CRPPA: variants seen among roughly 807,000 people sequenced by gnomAD.
CRPPA encodes D-ribitol-5-phosphate cytidylyltransferase.
CRPPA carries 43 observed loss-of-function variants against 52.0 expected under a neutral mutation model. The observed-to-expected ratio is 0.83, with a 90% CI of 0.65 to 1.07. The LOEUF is 1.07. Among genes scored for constraint, CRPPA ranks in the 50% least tolerant of loss-of-function variants. The pLI is 0.00. For synonymous variants in CRPPA, 250 were observed against 203.5 expected (o/e 1.23, Z -1.94); for missense variants, 629 against 551.7 (o/e 1.14, Z -1.40).
At chr7:16,238,587 A>G (rs2128405367) in intron 8 of CRPPA, among the ~76,000 whole-genome samples, 1 of 152,322 alleles carries the variant, frequency 6.6e-6, no homozygotes, top group East Asian at 1.9e-4. Flanking sequence ...AAAATTGGAC[A>G]TAAAAAAGGA....
chr7:16,308,071 G>A (rs1784952591), intron 4 of CRPPA, among the ~76,000 whole-genome samples: 1 of 152,100 alleles, frequency 6.6e-6, no homozygotes, highest in African/African-American at 2.4e-5. Flanking sequence ...TTCTCCAAGT[G>A]AGTGAGGTCT....
intron 5 of CRPPA, among the ~76,000 whole-genome samples, chr7:16,284,871 G>C (rs934151091): frequency 6.6e-6 from 1 of 152,112 alleles, no homozygotes; most frequent in Non-Finnish European, 1.5e-5. Context: ...TGTACCACGT[G>C]TTTGGAAGTT....
At chr7:16,316,379 A>G (rs894967672) in intron 3 of CRPPA, among the ~76,000 whole-genome samples, 1 of 152,126 alleles carries the variant, frequency 6.6e-6, no homozygotes, top group Non-Finnish European at 1.5e-5. Context: ...TTCTTGCCCA[A>G]AAAAGTTATA....
intron 5 of CRPPA, among the ~76,000 whole-genome samples, chr7:16,281,487 C>G (rs578196278): frequency 6.6e-6 from 1 of 152,188 alleles, no homozygotes; most frequent in Non-Finnish European, 1.5e-5. Context: ...TCTTTCCAAT[C>G]TATAATTTTA....
chr7:16,286,617 G>A (rs1784456444), intron 5 of CRPPA, among the ~76,000 whole-genome samples: 1 of 152,060 alleles, frequency 6.6e-6, no homozygotes, highest in Admixed American at 6.6e-5. Context: ...TCCACCTCAA[G>A]TACCATCTGT....
chr7:16,168,517 GAC>G (rs1239161646), intron 9 of CRPPA, among the ~76,000 whole-genome samples: 4 of 141,390 alleles, frequency 2.8e-5, no homozygotes, highest in Non-Finnish European at 6.1e-5. Context: ...AATGACATAA[GAC>G]ACTGAGTGAA....
At chr7:16,350,154 C>T (rs1786109856) in intron 3 of CRPPA, among the ~76,000 whole-genome samples, 1 of 151,834 alleles carries the variant, frequency 6.6e-6, no homozygotes, top group South Asian at 2.1e-4. Context: ...CCCAGGAAGC[C>T]TATCTTTCAA....
chr7:16,146,254 G>T (rs1234867728), intron 9 of CRPPA, among the ~76,000 whole-genome samples: 2 of 150,012 alleles, frequency 1.3e-5, no homozygotes, highest in African/African-American at 4.9e-5. Flanking sequence ...CAGCAAAGCT[G>T]TCATTCGAGA....
intron 3 of CRPPA, among the ~76,000 whole-genome samples, chr7:16,336,591 A>G (rs1252110263): frequency 2.0e-5 from 3 of 151,956 alleles, no homozygotes; most frequent in African/African-American, 7.2e-5. Context: ...GGAACCTACA[A>G]AACAATCAGA....
At chr7:16,292,437 T>A (rs1784582407) in intron 5 of CRPPA, among the ~76,000 whole-genome samples, 1 of 151,914 alleles carries the variant, frequency 6.6e-6, no homozygotes, top group Non-Finnish European at 1.5e-5. Flanking sequence ...ATCTTCCTCT[T>A]CCTCTACTTC....
At chr7:16,366,483 T>C (rs1562656333) in intron 3 of CRPPA, among the ~76,000 whole-genome samples, 3 of 152,202 alleles carry the variant, frequency 2.0e-5, no homozygotes, top group Non-Finnish European at 1.5e-5. Context: ...GCTAACCTTA[T>C]ATAACTATAT....
intron 2 of CRPPA, among the ~76,000 whole-genome samples, chr7:16,390,438 C>T (rs1787412682): frequency 6.6e-6 from 1 of 152,134 alleles, no homozygotes; most frequent in South Asian, 2.1e-4. Flanking sequence ...CACAAAAATA[C>T]ATTTAACCAA....
intron 3 of CRPPA, among the ~76,000 whole-genome samples, chr7:16,325,314 C>G (rs1450437876): frequency 6.6e-6 from 1 of 152,114 alleles, no homozygotes; most frequent in African/African-American, 2.4e-5. Context: ...ATAGATTAGA[C>G]AGATTAAGCA....
intron 3 of CRPPA, among the ~76,000 whole-genome samples, chr7:16,341,497 G>A (rs1441720863): frequency 6.6e-6 from 1 of 152,026 alleles, no homozygotes; most frequent in African/African-American, 2.4e-5. Flanking sequence ...ATATTTAATT[G>A]AAATGAAAAA....
At chr7:16,406,599 T>C (rs1212403698) in intron 1 of CRPPA, among the ~76,000 whole-genome samples, 1 of 152,242 alleles carries the variant, frequency 6.6e-6, no homozygotes, top group African/African-American at 2.4e-5. Context: ...ACATAGTATA[T>C]AGTACTACCA....
chr7:16,288,851 A>AT (rs981089480), intron 5 of CRPPA, among the ~76,000 whole-genome samples: 3 of 148,964 alleles, frequency 2.0e-5, no homozygotes, highest in African/African-American at 7.3e-5. Flanking sequence ...GCCTCAAAAA[A>AT]AAAAAAAAAA....
chr7:16,191,938 T>C (rs916597308), intron 9 of CRPPA, among the ~76,000 whole-genome samples: 1 of 152,136 alleles, frequency 6.6e-6, no homozygotes, highest in Non-Finnish European at 1.5e-5. Context: ...AGAGATTGTA[T>C]GATTTGTTCA....
At chr7:16,313,718 C>T (rs1785085659) in intron 3 of CRPPA, among the ~76,000 whole-genome samples, 2 of 151,852 alleles carry the variant, frequency 1.3e-5, no homozygotes, top group African/African-American at 4.8e-5. Flanking sequence ...TTGATGCGTT[C>T]CATTTTATTT....
intron 6 of CRPPA, among the ~76,000 whole-genome samples, chr7:16,276,101 T>C (rs1784199123): frequency 6.6e-6 from 1 of 151,446 alleles, no homozygotes; most frequent in South Asian, 2.1e-4. Flanking sequence ...CAAAAGGTAA[T>C]GACTGAACAG....
Sources: allele counts gnomAD v4.1 joint callset (sites outside exome capture counted in the v4.1 genomes callset), GRCh38; gene constraint gnomAD v4.1.1; transcripts MANE v1.5; gene names NCBI Gene and HGNC (gene_info 2026-07-23, HGNC 2026-07-21).